Variants in RASSF5 observed in about 807,000 individuals in gnomAD.
RASSF5 encodes ras association domain-containing protein 5.
In RASSF5, 25 loss-of-function variants were observed where a neutral mutation model predicts 40.5. The observed-to-expected ratio is 0.62, with a 90% CI of 0.45 to 0.86. The LOEUF (loss-of-function observed/expected upper bound fraction) is 0.86. Ranked by LOEUF, RASSF5 falls within the 40% of genes least tolerant of loss-of-function variation. The pLI is 0.00. For synonymous variants in RASSF5, 246 were observed against 252.4 expected (o/e 0.97, Z 0.24); for missense variants, 521 against 572.8 (o/e 0.91, Z 0.92).
intron 1 of RASSF5, among the ~76,000 whole-genome samples, chr1:206,511,911 C>G (rs930946607): frequency 6.6e-6 from 1 of 152,132 alleles, no homozygotes; most frequent in Admixed American, 6.5e-5. Flanking sequence ...GTGAAAAAGG[C>G]TCCTGGGACA....
chr1:206,576,165 G>T (rs1341074267), intron 2 of RASSF5, among the ~76,000 whole-genome samples: 1 of 152,204 alleles, frequency 6.6e-6, no homozygotes, highest in African/African-American at 2.4e-5. Flanking sequence ...ACAATAAAAG[G>T]CAGCATATAA....
Position 206,516,482 on chromosome 1 carries a change from A to G in RASSF5, c.457+8423A>G, listed in dbSNP as rs144222568. Among the ~76,000 whole-genome samples the G allele has an allele frequency of 2.2e-3, 340 of 151,722 alleles. 2 individuals carry two copies. The highest frequency in any genetic ancestry group is 5.7e-3 in the Admixed American group (87 of 15,224). Reference sequence around the variant, plus strand: ...CGTGACTTTTTTTTTTTTGAGATGGAGTCTCGTTCTGTCGCCCAGACTGGA... The same window carrying G: ...CGTGACTTTTTTTTTTTTGAGATGGGGTCTCGTTCTGTCGCCCAGACTGGA... On this transcript the variant is annotated intron_variant, in intron 1 of 5. Transcript: ENST00000579436.
intron 1 of RASSF5, among the ~76,000 whole-genome samples, chr1:206,522,447 G>A (rs1253449936): frequency 6.6e-6 from 1 of 152,190 alleles, no homozygotes; most frequent in Non-Finnish European, 1.5e-5. Context: ...TAAATGCAGC[G>A]TGAGCGTTTT....
intron 2 of RASSF5, among the ~76,000 whole-genome samples, chr1:206,538,710 C>G (rs555672404): frequency 1.1e-3 from 171 of 152,330 alleles, no homozygotes; most frequent in African/African-American, 4.0e-3. Context: ...GGCAAATGTT[C>G]TCTCCCTGTG....
At chr1:206,567,455 C>T (rs1668318837) in intron 2 of RASSF5, among the ~76,000 whole-genome samples, 2 of 152,130 alleles carry the variant, frequency 1.3e-5, no homozygotes, top group Admixed American at 1.3e-4. Flanking sequence ...TGCCATTGGT[C>T]TGGGCACCCA....
chr1:206,549,044 T>C (rs1209562438), intron 2 of RASSF5, among the ~76,000 whole-genome samples: 1 of 152,104 alleles, frequency 6.6e-6, no homozygotes, highest in Non-Finnish European at 1.5e-5. Flanking sequence ...TTTTGTATTT[T>C]TAGTAGAGAC....
rs575445549 is a variant in RASSF5 at position 206,579,025 on chromosome 1, C to T, written c.580-4244C>T. 5.3e-5 allele frequency among the ~76,000 whole-genome samples: 8 copies of T among 152,322 alleles called. No individual in the cohort carries two copies. The South Asian group carries it at 1.7e-3, about 32-fold the overall frequency. ...TTTAAATGGAAGCATTAGAGAATCA[C>T]TCAGGGTCGGGGTGTCGCTGTGAAC... On this transcript the variant is annotated intron_variant, in intron 2 of 5. Coordinates refer to ENST00000579436, the MANE Select transcript of RASSF5 (RefSeq NM_182663.4). This position sits in a 1 kb window ranked among gnomAD's most constrained non-coding sequence, Gnocchi z 4.2.
intron 1 of RASSF5, among the ~76,000 whole-genome samples, chr1:206,512,205 C>G (rs1666636313): frequency 6.6e-6 from 1 of 152,122 alleles, no homozygotes; most frequent in African/African-American, 2.4e-5. Context: ...TAACTGGGAT[C>G]TTCTTCTTGG....
chr1:206,588,037 C>G lies in RASSF5; in HGVS notation c.*1059C>G, dbSNP rs1043915305. ...ACAGAGAGGGGAGCCTCCAATTCGG[C>G]CAACTTGGAGTCCTTTCTGTTTTGA... On this transcript the variant is annotated 3_prime_UTR_variant, in exon 6 of 6. Transcript: ENST00000579436. The G allele has an allele frequency of 1.3e-5, 2 of 152,790 alleles. No homozygotes were observed. Among genetic ancestry groups the G allele is most frequent in the Non-Finnish European group, 2.9e-5 (2 of 68,082 alleles). 9.5% of individuals were successfully genotyped at this position (152,790 alleles called of 1,614,324 possible).
chr1:206,512,725 T>C (rs1012846953), intron 1 of RASSF5, among the ~76,000 whole-genome samples: 10 of 152,096 alleles, frequency 6.6e-5, no homozygotes, highest in Non-Finnish European at 1.3e-4. Context: ...GAATTTATCC[T>C]GTCAGGGAGC....
intron 2 of RASSF5, 44 bp from the exon 3 acceptor site, chr1:206,583,223 CCT>C (rs782756989): frequency 7.7e-7 from 1 of 1,301,162 alleles, no homozygotes; most frequent in South Asian, 1.2e-5. Flanking sequence ...CCTTTCTCAC[CCT>C]GAGAACTACT....
Position 206,588,097 on chromosome 1 carries a change from C to CCCCA in RASSF5, c.*1120_*1121insCCAC, listed in dbSNP as rs1275176668. The CCCCA allele has an allele frequency of 6.5e-6, 1 of 152,916 alleles. No individual in the cohort carries two copies. Among genetic ancestry groups the CCCCA allele is most frequent in the East Asian group, 1.9e-4 (1 of 5,264 alleles). The allele number at this position is 152,916 out of a possible 1,614,324, so 9.5% of individuals were successfully genotyped here. A position where few individuals can be genotyped will look rare whatever the true frequency, so the allele number is the denominator to read the frequency against. On this transcript the variant is annotated 3_prime_UTR_variant, in exon 6 of 6. Transcript: ENST00000579436. ...CAGACCCGGCACTGCGCTCGGAGAGCCGGTGGGCCTGGCCTCCCCGTCGAC... is the reference window on the plus strand; with the variant it reads ...CAGACCCGGCACTGCGCTCGGAGAGCCCCACGGTGGGCCTGGCCTCCCCGTCGAC...
At chr1:206,585,329 T>G in intron 5 of RASSF5, 34 bp downstream of exon 5, 6 of 1,521,794 alleles carry the variant, frequency 3.9e-6, no homozygotes, top group Non-Finnish European at 5.5e-6. Context: ...ACCCAGGCCT[T>G]AGGGCACCCT....
At chr1:206,542,376 G>A (rs1553399478) in intron 2 of RASSF5, 2 of 151,946 alleles carry the variant, frequency 1.3e-5, no homozygotes, top group African/African-American at 2.4e-5. Context: ...CTTTTTTGCT[G>A]TCTCTCTCGA....
At chr1:206,586,432 T>C in intron 5 of RASSF5, 1 of 182,826 alleles carries the variant, frequency 5.5e-6, no homozygotes, top group Non-Finnish European at 1.1e-5. Context: ...CTGGGAGAGG[T>C]GGAGTCAGGC....
intron 1 of RASSF5, 47 bp downstream of exon 1, chr1:206,508,106 G>C (rs1666512957): frequency 1.2e-5 from 16 of 1,306,696 alleles, no homozygotes; most frequent in Non-Finnish European, 1.5e-5. Context: ...CCGCAGTCTG[G>C]GGGCGAAGGA....
intron 2 of RASSF5, chr1:206,557,505 T>A: frequency 1.2e-6 from 2 of 1,601,068 alleles, no homozygotes; most frequent in Non-Finnish European, 1.7e-6. Flanking sequence ...GGTGCCCACC[T>A]CCCTCCGCCG....
chr1:206,532,746 G>T (rs896612989), intron 1 of RASSF5, among the ~76,000 whole-genome samples: 7 of 152,174 alleles, frequency 4.6e-5, no homozygotes, highest in Non-Finnish European at 1.0e-4. Context: ...AGGCTCAGTC[G>T]CCTTGGTGCC....
chr1:206,578,879 G>C (rs1450968158), intron 2 of RASSF5, among the ~76,000 whole-genome samples: 1 of 152,162 alleles, frequency 6.6e-6, no homozygotes, highest in African/African-American at 2.4e-5. Context: ...TTAGAGTGCA[G>C]AAGTAGGGTT....
Sources: gnomAD v4.1 joint callset for allele counts (sites outside exome capture counted in the v4.1 genomes callset) on GRCh38, gnomAD v4.1.1 for gene constraint, Gnocchi (gnomAD v3.1) non-coding constraint, MANE v1.5 for transcripts, NCBI Gene and HGNC (gene_info 2026-07-23, HGNC 2026-07-21) for gene names.